Variants in ZFHX3 observed in about 807,000 individuals in gnomAD.
The protein encoded by ZFHX3 is zinc finger homeobox 3, also known as zinc finger homeobox protein 3.
ZFHX3 carries 42 observed loss-of-function variants against 279.1 expected under a neutral mutation model. That is an observed-to-expected ratio of 0.15 (90% CI 0.12 to 0.19). The LOEUF (loss-of-function observed/expected upper bound fraction) is 0.19. Among genes scored for constraint, ZFHX3 ranks in the 10% least tolerant of loss-of-function variants. The pLI is 1.00. For missense variants in ZFHX3, 4,981 were observed against 4,754.0 expected (o/e 1.05, Z -1.40); for synonymous variants, 2,293 against 1,957.8 (o/e 1.17, Z -4.52).
At chr16:73,151,245 G>C (rs981363339) in intron 5 of ZFHX3, among the ~76,000 whole-genome samples, 1 of 152,158 alleles carries the variant, frequency 6.6e-6, no homozygotes, top group Non-Finnish European at 1.5e-5. Flanking sequence ...ACTTTGGAAG[G>C]AGGTAAATGT....
At chr16:72,979,493 C>T (rs1962495252) in intron 1 of ZFHX3, among the ~76,000 whole-genome samples, 1 of 152,126 alleles carries the variant, frequency 6.6e-6, no homozygotes, top group Admixed American at 6.5e-5. Context: ...ACACTGCTCC[C>T]CACAACTCTT....
chr16:73,308,388 C>T (rs958455104), intron 4 of ZFHX3, among the ~76,000 whole-genome samples: 5 of 151,546 alleles, frequency 3.3e-5, no homozygotes, highest in Admixed American at 3.3e-4. Context: ...CCGCTCAATG[C>T]CACCTCCGCC....
At chr16:73,061,688 C>G (rs1434348540), upstream of ZFHX3, 1 of 152,036 alleles carries the variant, frequency 6.6e-6, no homozygotes, top group African/African-American at 2.4e-5. Flanking sequence ...TCCTTTTTAT[C>G]TGTCTTCACG....
At chr16:73,422,947 A>G (rs2017744223) in intron 3 of ZFHX3, among the ~76,000 whole-genome samples, 1 of 152,202 alleles carries the variant, frequency 6.6e-6, no homozygotes, top group Non-Finnish European at 1.5e-5. Context: ...AGGTGTTGGC[A>G]GGGTTGGTTT....
chr16:73,661,583 G>A (rs999672028), intron 2 of ZFHX3, among the ~76,000 whole-genome samples: 3 of 152,090 alleles, frequency 2.0e-5, no homozygotes, highest in Non-Finnish European at 2.9e-5. Flanking sequence ...TTAGTCAGGC[G>A]TGGTGGTGCA....
chr16:72,969,174 G>A (rs572065274), intron 1 of ZFHX3, among the ~76,000 whole-genome samples: 5 of 152,264 alleles, frequency 3.3e-5, no homozygotes, highest in African/African-American at 1.2e-4. Flanking sequence ...CCTGACATGC[G>A]TATCTTTAAT....
intron 2 of ZFHX3, among the ~76,000 whole-genome samples, chr16:73,533,269 A>G (rs968479201): frequency 3.0e-4 from 46 of 151,768 alleles, no homozygotes; most frequent in African/African-American, 8.7e-4. Flanking sequence ...TCAGAAGTGA[A>G]CTTCCAAGGA....
chr16:72,788,844 T>C lies in ZFHX3; in HGVS notation c.9432A>G (p.Leu3144=), dbSNP rs1040214430. Residue 3144 remains leucine (L), a synonymous_variant, in exon 10 of 10, where the codon TTA becomes TTG. Transcript: ENST00000268489. ...LPGFTPSNTA[L]TSPKPNLMGL... ...CCATCAAGTTCGGCTTAGGAGACGT[T>C]AAAGCTGAAAGGAATGGAGACAGAA... 4 of 1,518,726 alleles carry C rather than the reference T, an allele frequency of 2.6e-6. 1 individual carries two copies. The allele number at this position is 1,518,726 out of a possible 1,614,324, so 94.1% of individuals were successfully genotyped here. A position where few individuals can be genotyped will look rare whatever the true frequency, so the allele number is the denominator to read the frequency against.
At chr16:73,644,357 C>T (rs976386108) in intron 2 of ZFHX3, among the ~76,000 whole-genome samples, 8 of 152,002 alleles carry the variant, frequency 5.3e-5, no homozygotes, top group African/African-American at 1.9e-4. Flanking sequence ...AACCACCCAC[C>T]GGTTGAAAGC....
At chr16:73,510,043 T>G (rs1476825817) in intron 2 of ZFHX3, among the ~76,000 whole-genome samples, 2 of 152,198 alleles carry the variant, frequency 1.3e-5, no homozygotes, top group Non-Finnish European at 1.5e-5. Context: ...GACAGCTGCA[T>G]GAGTTGTTCC....
At chr16:73,678,925 C>T (rs889261555) in intron 2 of ZFHX3, among the ~76,000 whole-genome samples, 1 of 152,120 alleles carries the variant, frequency 6.6e-6, no homozygotes, top group Admixed American at 6.6e-5. Flanking sequence ...TATGCAGATG[C>T]GGTTCTGCTA....
chr16:72,996,961 A>G (rs1963318971), intron 1 of ZFHX3, among the ~76,000 whole-genome samples: 1 of 152,190 alleles, frequency 6.6e-6, no homozygotes, highest in Non-Finnish European at 1.5e-5. Flanking sequence ...AGCCAAGAGT[A>G]AGGCTGGACA....
chr16:73,536,289 T>G (rs2019900515), intron 2 of ZFHX3, among the ~76,000 whole-genome samples: 1 of 152,210 alleles, frequency 6.6e-6, no homozygotes, highest in Non-Finnish European at 1.5e-5. Flanking sequence ...AGAAAAAATA[T>G]AATTTTAAAA....
At chr16:72,943,390 G>A (rs543286377) in intron 3 of ZFHX3, among the ~76,000 whole-genome samples, 4 of 152,178 alleles carry the variant, frequency 2.6e-5, no homozygotes, top group South Asian at 2.1e-4. Flanking sequence ...AAAAATTAGC[G>A]GGTGTGGTAG....
intron 3 of ZFHX3, among the ~76,000 whole-genome samples, chr16:72,914,864 G>A (rs760322948): frequency 7.2e-5 from 11 of 152,036 alleles, no homozygotes; most frequent in African/African-American, 1.7e-4. Context: ...GATGGTGTGC[G>A]CCTATAGTCC....
intron 1 of ZFHX3, among the ~76,000 whole-genome samples, chr16:73,796,018 T>C (rs1348571932): frequency 6.6e-6 from 1 of 152,222 alleles, no homozygotes; most frequent in Non-Finnish European, 1.5e-5. Flanking sequence ...AAACGGCCAT[T>C]GCGTGAATCA....
rs1309709976 is a variant in ZFHX3, at chr16:73,574,512, C to T, written c.-1547+105668G>A. Among the ~76,000 whole-genome samples the T allele has an allele frequency of 2.0e-5, 3 of 152,238 alleles. No homozygotes were observed. In the East Asian group the frequency reaches 5.8e-4, roughly 29 times the overall value. Reference sequence around the variant, plus strand: ...ATTCTTTGGGAGTAGAGACCAGGTACTTGTACATTTAAAGAATTCCCCAGA... The same window carrying T: ...ATTCTTTGGGAGTAGAGACCAGGTATTTGTACATTTAAAGAATTCCCCAGA... On this transcript the variant is annotated intron_variant, in intron 2 of 17. Transcript: ENST00000641206.
chr16:73,348,387 G>A (rs909453660), intron 3 of ZFHX3, among the ~76,000 whole-genome samples: 31 of 152,282 alleles, frequency 2.0e-4, no homozygotes, highest in African/African-American at 7.5e-4. Flanking sequence ...CACCTTTGGG[G>A]TGGGTCATTT....
At chr16:72,922,950 G>A (rs1470653889) in intron 3 of ZFHX3, among the ~76,000 whole-genome samples, 2 of 152,044 alleles carry the variant, frequency 1.3e-5, no homozygotes, top group Non-Finnish European at 2.9e-5. Flanking sequence ...TCCATATATG[G>A]TAAAGCTGCT....
Sources: allele counts gnomAD v4.1 joint callset (sites outside exome capture counted in the v4.1 genomes callset), GRCh38; gene constraint gnomAD v4.1.1; transcripts MANE v1.5; gene names NCBI Gene and HGNC (gene_info 2026-07-23, HGNC 2026-07-21).